Variants in WDR62 observed in about 807,000 individuals in gnomAD.
WDR62 encodes WD repeat domain 62.
WDR62 carries 112 observed loss-of-function variants against 160.6 expected under a neutral mutation model. The observed-to-expected ratio is 0.70, with a 90% CI of 0.60 to 0.82. The LOEUF is 0.82. Among genes scored for constraint, WDR62 ranks in the 40% least tolerant of loss-of-function variants. The pLI is 0.00. For synonymous variants in WDR62, 792 were observed against 815.1 expected, an observed-to-expected ratio of 0.97 and a Z score of 0.48; for missense variants, 1,819 against 1,983.8, an observed-to-expected ratio of 0.92 and a Z score of 1.58.
In WDR62 at chr19:36,087,538, C is replaced by T. The variant is rs144512213; in HGVS notation, c.1768+726C>T. 2.3e-4 allele frequency among the ~76,000 whole-genome samples: 35 copies of T among 151,592 alleles called. No individual in the cohort carries two copies. In the East Asian group the frequency reaches 5.4e-3, roughly 24 times the overall value. On this transcript the variant is annotated intron_variant, in intron 13 of 31. Coordinates refer to ENST00000401500, the MANE Select transcript of WDR62 (RefSeq NM_001083961.2). ...AAAAAAAAAAAAGAAGAATATAGGC[C>T]GGGCGTGGTGGCTCATGCTTGTCAT...
chr19:36,072,021 A>C (rs1245747239), intron 8 of WDR62, among the ~76,000 whole-genome samples: 1 of 152,210 alleles, frequency 6.6e-6, no homozygotes, highest in African/African-American at 2.4e-5. Context: ...GTTTCCATCC[A>C]CATGGCTGAC....
At chr19:36,067,680 G>C (rs923027563) in intron 6 of WDR62, 148 bp from the exon 7 acceptor site, 1 of 1,067,966 alleles carries the variant, frequency 9.4e-7, no homozygotes, top group Non-Finnish European at 1.4e-6. Flanking sequence ...CAGCCCCTCT[G>C]TCCAGAGTGG....
intron 7 of WDR62, among the ~76,000 whole-genome samples, chr19:36,068,760 T>C (rs1971085128): frequency 6.6e-6 from 1 of 152,244 alleles, no homozygotes; most frequent in Admixed American, 6.5e-5. Context: ...TACTTCTTTC[T>C]ACACAGACAC....
chr19:36,103,105 C>T lies in WDR62; in HGVS notation c.3462+31C>T, dbSNP rs749204451. On this transcript the variant is annotated intron_variant, in intron 28 of 31. Transcript: ENST00000401500. ...TATTGGGCCCACCTCCGTCAGGGCA[C>T]GGGGCTGGGAACCCTGAGGCCTTGT... 1.2e-5 allele frequency: 20 copies of T among 1,613,900 alleles called. No homozygotes were observed. In the Admixed American group the frequency reaches 2.5e-4, roughly 20 times the overall value.
At chr19:36,091,127 A>G in intron 16 of WDR62, 73 bp from the exon 17 acceptor site, 1 of 1,314,516 alleles carries the variant, frequency 7.6e-7, no homozygotes, top group Non-Finnish European at 1.1e-6. Context: ...AGCACGGGGG[A>G]GGGAGGGGCC....
Position 36,082,989 on chromosome 19 carries a change from T to C in WDR62, c.1372-74T>C, listed in dbSNP as rs1288925076. On this transcript the variant is annotated intron_variant, in intron 10 of 31. Coordinates refer to ENST00000401500, the MANE Select transcript of WDR62 (RefSeq NM_001083961.2). ...GTTGTATTACTAACGAAGAAGAGAC[T>C]GGCTATGGAGGGACACGATTTCAGA... 45 of 1,348,040 alleles carry C rather than the reference T, an allele frequency of 3.3e-5. 2 individuals are homozygous for C. In the Admixed American group the frequency reaches 8.3e-4, roughly 25 times the overall value. 83.5% of individuals were successfully genotyped at this position (1,348,040 alleles called of 1,614,324 possible).
chr19:36,109,007 G>A (rs181785112), downstream of WDR62, among the ~76,000 whole-genome samples: 19 of 152,132 alleles, frequency 1.2e-4, no homozygotes, highest in African/African-American at 3.4e-4. Context: ...TTTTCCAGGT[G>A]AAGAAACCGA....
intron 13 of WDR62, among the ~76,000 whole-genome samples, chr19:36,088,184 A>G (rs1369113438): frequency 1.3e-5 from 2 of 152,062 alleles, no homozygotes; most frequent in African/African-American, 4.8e-5. Context: ...CCAGACTCAG[A>G]GTTTTATATT....
In WDR62 at chr19:36,093,818, G is replaced by A. The variant is rs112532284; in HGVS notation, c.2334-213G>A. On this transcript the variant is annotated intron_variant, in intron 19 of 31. Transcript: ENST00000401500. ...GCTGTGGCCCTGAGAGTTTGCATTCGTTTGTAGCCTGGCCTTTGTTAATCT... is the reference window on the plus strand; with the variant it reads ...GCTGTGGCCCTGAGAGTTTGCATTCATTTGTAGCCTGGCCTTTGTTAATCT... Among the ~76,000 whole-genome samples, 865 of 152,334 alleles carry A rather than the reference G, an allele frequency of 5.7e-3. 8 individuals are homozygous for A. Among genetic ancestry groups the A allele is most frequent in the African/African-American group, 0.018 (768 of 41,564 alleles).
chr19:36,109,357 C>G (rs1004520639), downstream of WDR62, among the ~76,000 whole-genome samples: 2 of 152,184 alleles, frequency 1.3e-5, no homozygotes, highest in Non-Finnish European at 2.9e-5. Context: ...CTCTCACTGT[C>G]TTGGTCATTC....
chr19:36,067,639 G>A (rs1190879081), intron 6 of WDR62, among the ~76,000 whole-genome samples, 189 bp from the exon 7 acceptor site: 2 of 152,214 alleles, frequency 1.3e-5, no homozygotes, highest in African/African-American at 2.4e-5. Flanking sequence ...CTGACCCTGG[G>A]ACCAGCTCTC....
At chr19:36,075,698 G>A (rs541330430) in intron 9 of WDR62, among the ~76,000 whole-genome samples, 29 of 152,216 alleles carry the variant, frequency 1.9e-4, no homozygotes, top group Middle Eastern at 3.4e-3. Flanking sequence ...TGCCTGCCTC[G>A]GCCTCCCAAA....
chr19:36,069,747 G>A (rs867196509), intron 7 of WDR62, among the ~76,000 whole-genome samples: 3 of 152,242 alleles, frequency 2.0e-5, no homozygotes, highest in East Asian at 1.9e-4. Context: ...CCGGCACCTC[G>A]GGAGGCCGAG....
At chr19:36,100,387 G>A (rs1449365205) in intron 22 of WDR62, among the ~76,000 whole-genome samples, 1 of 152,168 alleles carries the variant, frequency 6.6e-6, no homozygotes, top group African/African-American at 2.4e-5. Context: ...ACTACCCTGG[G>A]CAAAATCTGG....
Position 36,104,551 on chromosome 19 carries a change from G to A in WDR62, c.4187G>A (p.Arg1396His), listed in dbSNP as rs372272053. ...GGTCTGTTACAGGGCAGCCCTGCCC[G>A]CTGGAGTGAGCCCTGGGTGCCGGTT... ...ALGLLQGSPA[R>H]WSEPWVPVEA... The change falls in exon 31 of 32, where the codon CGC (arginine) becomes CAC (histidine). Residue 1396 changes from arginine to histidine, a missense_variant. Physicochemically the swap from Arg to His is conservative, Grantham distance 29. Around this residue, in one of 3 missense-constraint regions of WDR62, gnomAD observed 770 missense variants for 734.2 expected, o/e 1.05. Transcript: ENST00000401500. 43 of 1,613,474 alleles carry A rather than the reference G, an allele frequency of 2.7e-5. No homozygotes were observed. The highest frequency in any genetic ancestry group is 1.2e-4 in the African/African-American group (9 of 74,848).
chr19:36,074,640 A>G (rs1238408847), intron 9 of WDR62, among the ~76,000 whole-genome samples: 1 of 152,214 alleles, frequency 6.6e-6, no homozygotes, highest in African/African-American at 2.4e-5. Flanking sequence ...GATCGTGAGA[A>G]AGAACTTTGT....
chr19:36,077,580 GT>G (rs1042203032), intron 9 of WDR62, among the ~76,000 whole-genome samples: 22 of 143,604 alleles, frequency 1.5e-4, no homozygotes, highest in African/African-American at 5.7e-4. Context: ...ATGCCAGGCT[GT>G]TTCCTTTCTT....
At chr19:36,076,535 G>T (rs1218038704) in intron 9 of WDR62, among the ~76,000 whole-genome samples, 1 of 150,950 alleles carries the variant, frequency 6.6e-6, no homozygotes, top group Non-Finnish European at 1.5e-5. Context: ...TCCAATCTGG[G>T]TGACAGAGGG....
intron 12 of WDR62, among the ~76,000 whole-genome samples, chr19:36,085,049 C>G (rs2145733032): frequency 6.6e-6 from 1 of 152,240 alleles, no homozygotes. Context: ...GCATTATTTT[C>G]AAAAAGTTTG....
Sources: gnomAD v4.1 joint callset for allele counts (sites outside exome capture counted in the v4.1 genomes callset) on GRCh38, gnomAD v4.1.1 for gene constraint, gnomAD v4.1.1 regional missense constraint, MANE v1.5 for transcripts, NCBI Gene and HGNC (gene_info 2026-07-23, HGNC 2026-07-21) for gene names.